Variants in DLGAP1 observed in about 807,000 individuals in gnomAD.
DLGAP1 encodes disks large-associated protein 1.
Under a neutral mutation model 90.8 loss-of-function variants are expected in DLGAP1, and 11 were observed. That is an observed-to-expected ratio of 0.12 (90% CI 0.08 to 0.20). The LOEUF is 0.20. Ranked by LOEUF, DLGAP1 falls within the 10% of genes least tolerant of loss-of-function variation. The pLI, the probability that DLGAP1 is intolerant of heterozygous loss-of-function variation, is 1.00. For synonymous variants in DLGAP1, 558 were observed against 540.7 expected (o/e 1.03, Z -0.44); for missense variants, 1,050 against 1,333.8 (o/e 0.79, Z 3.31).
intron 1 of DLGAP1, among the ~76,000 whole-genome samples, chr18:4,309,944 T>C (rs890659899): frequency 2.6e-5 from 4 of 152,232 alleles, no homozygotes; most frequent in African/African-American, 9.6e-5. Flanking sequence ...TCCGCTCTGC[T>C]TCAGTGTGAG....
rs2059619819 is a variant in DLGAP1 at position 3,659,651 on chromosome 18, C to CGCCTCCCA, written c.1591+69476_1591+69483dup. ...TGCAATCTCGGCTCACTGCAACCTC[C>CGCCTCCCA]GCCTCCCAGCTTCAAGCGATTCTCC... On this transcript the variant is annotated intron_variant, in intron 7 of 12. Transcript: ENST00000315677. 3.3e-5 allele frequency among the ~76,000 whole-genome samples: 5 copies of CGCCTCCCA among 152,018 alleles called. No individual in the cohort carries two copies. In the South Asian group the frequency reaches 1.0e-3, roughly 32 times the overall value.
chr18:3,981,450 G>C (rs12373392), intron 3 of DLGAP1, among the ~76,000 whole-genome samples: 58,119 of 152,136 alleles, frequency 0.38, 11,413 homozygotes, highest in Non-Finnish European at 0.42. Context: ...ATACATGTAG[G>C]AGGCAGGGCT....
At chr18:4,334,462 T>C (rs1412879994) in intron 1 of DLGAP1, among the ~76,000 whole-genome samples, 1 of 151,894 alleles carries the variant, frequency 6.6e-6, no homozygotes, top group East Asian at 1.9e-4. Flanking sequence ...AGAAGTTATC[T>C]CTGTATTGCC....
At chr18:4,350,842 T>C (rs1267552378) in intron 1 of DLGAP1, among the ~76,000 whole-genome samples, 1 of 152,192 alleles carries the variant, frequency 6.6e-6, no homozygotes, top group Non-Finnish European at 1.5e-5. Flanking sequence ...TTTGATCTAA[T>C]TACCAAAACA....
intron 3 of DLGAP1, among the ~76,000 whole-genome samples, chr18:3,928,982 T>C (rs1326188554): frequency 6.6e-6 from 1 of 152,156 alleles, no homozygotes; most frequent in Non-Finnish European, 1.5e-5. Context: ...CGAGATCTGA[T>C]TGTTTCAAAG....
chr18:3,880,050 T>G lies in DLGAP1; in HGVS notation c.19A>C (p.Ser7Arg). MKGLSG[S>R]RSHHHGVTCD... is the part of the protein sequence containing the mutation. Reference sequence around the variant, plus strand: ...GTGACCCCGTGGTGATGGCTGCGGCTGCCTGATAGCCCTTTCATGGCGGAC... The same window carrying G: ...GTGACCCCGTGGTGATGGCTGCGGCGGCCTGATAGCCCTTTCATGGCGGAC... The change falls in exon 4 of 13, where the codon AGC (serine) becomes CGC (arginine). Residue 7 changes from serine (S) to arginine (R), a missense_variant. By Grantham distance (110) the Ser-to-Arg change is moderately radical. This residue lies in a region of DLGAP1 where 485 missense variants were observed against 454.1 expected (regional missense o/e 1.07). Transcript: ENST00000315677. The G allele has an allele frequency of 6.2e-7, 1 of 1,602,754 alleles. No individual in the cohort carries two copies. Among genetic ancestry groups the G allele is most frequent in the Non-Finnish European group, 8.5e-7 (1 of 1,179,766 alleles).
At chr18:3,560,247 C>T (rs1252670708) in intron 9 of DLGAP1, among the ~76,000 whole-genome samples, 11 of 151,554 alleles carry the variant, frequency 7.3e-5, no homozygotes, top group South Asian at 2.1e-4. Flanking sequence ...AGTGAAACCC[C>T]GTCTCTACTA....
intron 9 of DLGAP1, among the ~76,000 whole-genome samples, chr18:3,556,563 T>C (rs2053762321): frequency 6.6e-6 from 1 of 152,192 alleles, no homozygotes; most frequent in Non-Finnish European, 1.5e-5. Context: ...TTGACGTTTT[T>C]CCCATGTCTT....
At chr18:3,767,283 G>C (rs1317868820) in intron 5 of DLGAP1, among the ~76,000 whole-genome samples, 1 of 151,998 alleles carries the variant, frequency 6.6e-6, no homozygotes, top group Non-Finnish European at 1.5e-5. Context: ...GAAATATCCA[G>C]GTCCAGATGG....
chr18:3,775,263 A>G lies in DLGAP1; in HGVS notation c.1173-32751T>C, dbSNP rs1307973076. Among the ~76,000 whole-genome samples, 2 of 152,240 alleles carry G rather than the reference A, an allele frequency of 1.3e-5. No homozygotes were observed. The highest frequency in any genetic ancestry group is 3.9e-4 in the East Asian group (2 of 5,172). ...CCATTCCCCTGTGTTATGCACATCG[A>G]TATGGTTTGGCTTTGTGTCCCCACA... On this transcript the variant is annotated intron_variant, in intron 5 of 12. Coordinates refer to ENST00000315677, the MANE Select transcript of DLGAP1 (RefSeq NM_004746.4). This position sits in a 1 kb window ranked among gnomAD's most constrained non-coding sequence, Gnocchi z 4.9.
chr18:3,685,845 C>A lies in DLGAP1; in HGVS notation c.1591+43290G>T, dbSNP rs115780556. On this transcript the variant is annotated intron_variant, in intron 7 of 12. Coordinates refer to ENST00000315677, the MANE Select transcript of DLGAP1 (RefSeq NM_004746.4). ...ACACAATTGCTCTTCAAGGCCCGTG[C>A]CATCATATAATGATACAGTAGCAAA... Among the ~76,000 whole-genome samples, 983 of 152,240 alleles carry A rather than the reference C, an allele frequency of 6.5e-3. 8 individuals carry two copies. Among genetic ancestry groups the A allele is most frequent in the African/African-American group, 0.021 (874 of 41,546 alleles).
chr18:4,388,477 G>A (rs951122480), intron 1 of DLGAP1, among the ~76,000 whole-genome samples: 2 of 152,070 alleles, frequency 1.3e-5, no homozygotes, highest in East Asian at 1.9e-4. Flanking sequence ...TTGGAGCTGC[G>A]GGAAAGGGTG....
At chr18:4,040,008 T>C (rs1229277859) in intron 2 of DLGAP1, among the ~76,000 whole-genome samples, 1 of 152,226 alleles carries the variant, frequency 6.6e-6, no homozygotes, top group Non-Finnish European at 1.5e-5. Context: ...TCTGCTAATA[T>C]ATAGAACAGC....
chr18:3,520,270 C>T (rs548686515), intron 10 of DLGAP1, among the ~76,000 whole-genome samples: 6 of 152,088 alleles, frequency 3.9e-5, no homozygotes, highest in Non-Finnish European at 8.8e-5. Context: ...TGAGCCACTC[C>T]CTCTCTCCGA....
intron 2 of DLGAP1, among the ~76,000 whole-genome samples, chr18:4,059,626 A>C (rs1598325603): frequency 6.6e-6 from 1 of 152,048 alleles, no homozygotes; most frequent in South Asian, 2.1e-4. Context: ...CAGGAGAATC[A>C]CTTGAACCTG....
At chr18:4,358,459 A>C (rs752345437) in intron 1 of DLGAP1, among the ~76,000 whole-genome samples, 30 of 152,254 alleles carry the variant, frequency 2.0e-4, no homozygotes, top group Admixed American at 7.2e-4. Flanking sequence ...AAAGAAGGCC[A>C]GTGTGTGTGC....
intron 2 of DLGAP1, among the ~76,000 whole-genome samples, chr18:4,096,714 C>T (rs910365972): frequency 3.3e-5 from 5 of 152,144 alleles, no homozygotes; most frequent in African/African-American, 7.2e-5. Flanking sequence ...CTTCTCGTGA[C>T]GTGACTCACA....
At chr18:3,943,221 G>A (rs1239317953) in intron 3 of DLGAP1, among the ~76,000 whole-genome samples, 1 of 152,018 alleles carries the variant, frequency 6.6e-6, no homozygotes, top group Non-Finnish European at 1.5e-5. Flanking sequence ...CATTTTCCAT[G>A]GATCAAGGAG....
At chr18:4,043,824 T>C (rs1032798753) in intron 2 of DLGAP1, among the ~76,000 whole-genome samples, 7 of 152,130 alleles carry the variant, frequency 4.6e-5, no homozygotes, top group Non-Finnish European at 1.0e-4. Context: ...CAGAAACTTA[T>C]TGAGAACAAC....
Sources: allele counts gnomAD v4.1 joint callset (sites outside exome capture counted in the v4.1 genomes callset), GRCh38; gene constraint gnomAD v4.1.1; regional missense constraint gnomAD v4.1.1; non-coding constraint Gnocchi (gnomAD v3.1); transcripts MANE v1.5; gene names NCBI Gene and HGNC (gene_info 2026-07-23, HGNC 2026-07-21).